Variants in PPP2R5E observed in about 807,000 individuals in gnomAD.
PPP2R5E encodes protein phosphatase 2 regulatory subunit B'epsilon.
A neutral mutation model predicts 65.3 loss-of-function variants in PPP2R5E; 4 were observed. The ratio of observed to expected loss-of-function variants is 0.06; its 90% CI spans 0.03 to 0.14. The LOEUF (loss-of-function observed/expected upper bound fraction) is 0.14. Among genes scored for constraint, PPP2R5E ranks in the 10% least tolerant of loss-of-function variants. PPP2R5E has a pLI of 1.00. For synonymous variants in PPP2R5E, 183 were observed against 187.4 expected (o/e 0.98, Z 0.19); for missense variants, 274 against 556.1 (o/e 0.49, Z 5.10).
chr14:63,375,988 A>G lies in PPP2R5E; in HGVS notation c.*21T>C. Reference sequence around the variant, plus strand: ...AAACGTGTGACTCCACAGGTTAGTAATGTTGTTGTCATTGTTTTTGTTAAG... The same window carrying G: ...AAACGTGTGACTCCACAGGTTAGTAGTGTTGTTGTCATTGTTTTTGTTAAG... On this transcript the variant is annotated 3_prime_UTR_variant, in exon 14 of 14. Coordinates refer to ENST00000337537, the MANE Select transcript of PPP2R5E (RefSeq NM_006246.5). 6.7e-7 allele frequency: 1 copy of G among 1,502,136 alleles called. No individual in the cohort carries two copies. Among genetic ancestry groups the G allele is most frequent in the Non-Finnish European group, 9.3e-7 (1 of 1,079,758 alleles). 93.1% of individuals were successfully genotyped at this position (1,502,136 alleles called of 1,614,324 possible). A position where few individuals can be genotyped will look rare whatever the true frequency, so the allele number is the denominator to read the frequency against.
At chr14:63,447,602 T>C (rs6573518) in intron 3 of PPP2R5E, among the ~76,000 whole-genome samples, 40,223 of 152,164 alleles carry the variant, frequency 0.26, 6,219 homozygotes, top group African/African-American at 0.43. Context: ...TAAGGTTGTT[T>C]TACTTTCTTA....
At chr14:63,419,005 C>T (rs1886860367) in intron 4 of PPP2R5E, among the ~76,000 whole-genome samples, 1 of 152,000 alleles carries the variant, frequency 6.6e-6, no homozygotes, top group Non-Finnish European at 1.5e-5. Flanking sequence ...TGCTGCCACG[C>T]CTGTCTAATT....
At chr14:63,403,950 C>T (rs1395725309) in intron 5 of PPP2R5E, among the ~76,000 whole-genome samples, 2 of 152,100 alleles carry the variant, frequency 1.3e-5, no homozygotes, top group Admixed American at 1.3e-4. Flanking sequence ...TAATGGCTTA[C>T]AGTAGGAAGT....
At chr14:63,411,062 T>G (rs76445028) in intron 5 of PPP2R5E, among the ~76,000 whole-genome samples, 6,989 of 152,282 alleles carry the variant, frequency 0.046, 238 homozygotes, top group Non-Finnish European at 0.068. Context: ...TTGCAAGCAC[T>G]TAGGGCAGGA....
intron 2 of PPP2R5E, among the ~76,000 whole-genome samples, chr14:63,507,436 T>C (rs539521690): frequency 1.1e-4 from 17 of 152,140 alleles, no homozygotes; most frequent in Admixed American, 2.6e-4. Context: ...CACTTCTCCC[T>C]TGGTACGATT....
chr14:63,533,627 G>A (rs1268340785), intron 2 of PPP2R5E, among the ~76,000 whole-genome samples: 2 of 151,688 alleles, frequency 1.3e-5, no homozygotes, highest in Non-Finnish European at 2.9e-5. Flanking sequence ...CCTCGGAAAT[G>A]TATAATGAAT....
chr14:63,380,768 G>A (rs919415596), intron 13 of PPP2R5E, among the ~76,000 whole-genome samples: 1 of 152,062 alleles, frequency 6.6e-6, no homozygotes, highest in African/African-American at 2.4e-5. Flanking sequence ...CCTCTTCTGA[G>A]ATTCTCAGCT....
chr14:63,457,364 G>A (rs12323479), intron 2 of PPP2R5E, among the ~76,000 whole-genome samples: 44,088 of 151,924 alleles, frequency 0.29, 7,790 homozygotes, highest in African/African-American at 0.49. Context: ...AAGCCATAAA[G>A]AGAATCTCAT....
chr14:63,531,956 AACAC>A (rs150782373), intron 2 of PPP2R5E, among the ~76,000 whole-genome samples: 3 of 150,884 alleles, frequency 2.0e-5, no homozygotes, highest in Non-Finnish European at 4.4e-5. Flanking sequence ...TCCATCTCAA[AACAC>A]ACACACACAC....
intron 5 of PPP2R5E, among the ~76,000 whole-genome samples, chr14:63,399,555 G>A (rs763999386): frequency 1.3e-5 from 2 of 151,752 alleles, no homozygotes; most frequent in Non-Finnish European, 2.9e-5. Context: ...CAATGATACT[G>A]TGGTGATGGT....
In PPP2R5E at chr14:63,384,504, T is replaced by C. The variant is rs781304785; in HGVS notation, c.1142A>G (p.Asn381Ser). The C allele has an allele frequency of 1.9e-6, 3 of 1,613,996 alleles. No homozygotes were observed. The highest frequency in any genetic ancestry group is 2.5e-6 in the Non-Finnish European group (3 of 1,179,920). Residue 381 changes from asparagine to serine, a missense_variant, in exon 12 of 14, where the codon AAC (asparagine) becomes AGC (serine). Asn to Ser is a conservative substitution (Grantham distance 46). Around this residue, in one of 6 missense-constraint regions of PPP2R5E, gnomAD observed 129 missense variants for 254.9 expected, o/e 0.51. Coordinates refer to ENST00000337537, the MANE Select transcript of PPP2R5E (RefSeq NM_006246.5). ...YIMSLIEENS[N>S]VILPIMFSSL... ...GGAAAACATGATGGGAAGGATGACG[T>C]TAGAGTTTTCTTCTATCAAACTCAT...
intron 10 of PPP2R5E, among the ~76,000 whole-genome samples, chr14:63,390,112 C>T (rs138459244): frequency 3.9e-5 from 6 of 152,058 alleles, no homozygotes; most frequent in African/African-American, 1.2e-4. Context: ...AGGTGGCCCT[C>T]CTAAATGGAA....
At chr14:63,529,456 G>A (rs969399051) in intron 2 of PPP2R5E, among the ~76,000 whole-genome samples, 4 of 151,436 alleles carry the variant, frequency 2.6e-5, no homozygotes, top group Non-Finnish European at 4.4e-5. Context: ...CACCTCCCAG[G>A]GTCACGCCAT....
chr14:63,511,168 A>C (rs1892437389), intron 2 of PPP2R5E, among the ~76,000 whole-genome samples: 1 of 152,212 alleles, frequency 6.6e-6, no homozygotes, highest in African/African-American at 2.4e-5. Context: ...CTTGTAACTC[A>C]CTTTGGCCAA....
At chr14:63,522,843 C>G (rs1041884630) in intron 2 of PPP2R5E, among the ~76,000 whole-genome samples, 1 of 151,432 alleles carries the variant, frequency 6.6e-6, no homozygotes, top group East Asian at 2.0e-4. Context: ...CCAGCCGCCC[C>G]GTCCAGGAGG....
Position 63,372,367 on chromosome 14 carries a change from A to G in PPP2R5E, c.*3642T>C, listed in dbSNP as rs1883733473. 1 of 152,190 alleles carries G rather than the reference A, an allele frequency of 6.6e-6. No individual in the cohort carries two copies. Among genetic ancestry groups the G allele is most frequent in the Non-Finnish European group, 1.5e-5 (1 of 68,032 alleles). The allele number at this position is 152,190 out of a possible 1,614,324, so 9.4% of individuals were successfully genotyped here. A position where few individuals can be genotyped will look rare whatever the true frequency, so the allele number is the denominator to read the frequency against. ...CAAAAATCTTTGTGGCTCATTCCTT[A>G]ACTCCACTCAGAGAAGCAGCTGAGC... On this transcript the variant is annotated 3_prime_UTR_variant, in exon 14 of 14. Transcript: ENST00000337537.
chr14:63,429,839 C>G lies in PPP2R5E; in HGVS notation c.355-7745G>C, dbSNP rs149964320. 3.8e-3 allele frequency among the ~76,000 whole-genome samples: 572 copies of G among 152,156 alleles called. 3 individuals are homozygous for G. Among genetic ancestry groups the G allele is most frequent in the African/African-American group, 0.013 (521 of 41,514 alleles). On this transcript the variant is annotated intron_variant, in intron 3 of 13. Coordinates refer to ENST00000337537, the MANE Select transcript of PPP2R5E (RefSeq NM_006246.5). ...GCTGGATTAGAGGTACCCGCCACCA[C>G]GTCCAGCTAATTTTTTGTATTTTTA...
At chr14:63,391,943 G>T (rs368121677) in intron 9 of PPP2R5E, 29 bp downstream of exon 9, 1 of 1,608,324 alleles carries the variant, frequency 6.2e-7, no homozygotes, top group East Asian at 2.2e-5. Flanking sequence ...TTTTTCTTAA[G>T]TTTTTGAAAT....
intron 2 of PPP2R5E, among the ~76,000 whole-genome samples, chr14:63,505,438 G>A (rs72714297): frequency 2.0e-5 from 3 of 152,090 alleles, no homozygotes; most frequent in Non-Finnish European, 4.4e-5. Flanking sequence ...AAACACCATG[G>A]TCATTACGAT....
Sources: allele counts gnomAD v4.1 joint callset (sites outside exome capture counted in the v4.1 genomes callset), GRCh38; gene constraint gnomAD v4.1.1; regional missense constraint gnomAD v4.1.1; transcripts MANE v1.5; gene names NCBI Gene and HGNC (gene_info 2026-07-23, HGNC 2026-07-21).